TTLL9: variants seen among roughly 807,000 people sequenced by gnomAD.
The protein encoded by TTLL9 is probable tubulin polyglutamylase TTLL9.
In TTLL9, 47 loss-of-function variants were observed where a neutral mutation model predicts 65.6. That is an observed-to-expected ratio of 0.72 (90% CI 0.57 to 0.91). TTLL9 has a LOEUF of 0.91. Ranked by LOEUF, TTLL9 falls within the 40% of genes least tolerant of loss-of-function variation. TTLL9 has a pLI of 0.00. For synonymous variants in TTLL9, 179 were observed against 204.8 expected (o/e 0.87, Z 1.07); for missense variants, 537 against 568.8 (o/e 0.94, Z 0.57).
intron 2 of TTLL9, among the ~76,000 whole-genome samples, chr20:31,874,175 T>A (rs1217381795): frequency 6.6e-6 from 1 of 152,242 alleles, no homozygotes; most frequent in Non-Finnish European, 1.5e-5. Flanking sequence ...GCCCAATCTG[T>A]CTTAAATCAT....
intron 3 of TTLL9, among the ~76,000 whole-genome samples, 190 bp from the exon 4 acceptor site, chr20:31,898,283 T>C (rs899548099): frequency 5.3e-5 from 8 of 152,238 alleles, no homozygotes; most frequent in Non-Finnish European, 1.0e-4. Context: ...TATTTTTCAA[T>C]GATTTGAAGA....
chr20:31,932,782 A>G (rs2064040908), intron 10 of TTLL9, among the ~76,000 whole-genome samples: 1 of 152,032 alleles, frequency 6.6e-6, no homozygotes, highest in South Asian at 2.1e-4. Flanking sequence ...GGATTACTTG[A>G]GGTCAGGAGT....
At chr20:31,913,021 G>C (rs544473183) in intron 6 of TTLL9, among the ~76,000 whole-genome samples, 1 of 152,132 alleles carries the variant, frequency 6.6e-6, no homozygotes, top group Non-Finnish European at 1.5e-5. Context: ...TTAGCTGAGT[G>C]TGGTGGCGAG....
intron 10 of TTLL9, among the ~76,000 whole-genome samples, chr20:31,927,936 TG>T (rs2063936679): frequency 6.6e-6 from 1 of 152,256 alleles, no homozygotes; most frequent in African/African-American, 2.4e-5. Context: ...TTTTGCAATT[TG>T]TTTTTTTCTA....
At chr20:31,894,098 C>CT (rs1162101774) in intron 3 of TTLL9, among the ~76,000 whole-genome samples, 26,020 of 92,264 alleles carry the variant, frequency 0.28, 4,596 homozygotes, top group Non-Finnish European at 0.35. Flanking sequence ...CCATTTGGTT[C>CT]TTTTTTTTTT....
intron 2 of TTLL9, among the ~76,000 whole-genome samples, chr20:31,873,497 C>A (rs2062968211): frequency 1.3e-5 from 2 of 151,550 alleles, no homozygotes; most frequent in African/African-American, 4.9e-5. Flanking sequence ...AACAAACAAA[C>A]TAAAACAAAA....
chr20:31,928,688 G>A (rs2063951917), intron 10 of TTLL9, among the ~76,000 whole-genome samples: 1 of 152,144 alleles, frequency 6.6e-6, no homozygotes, highest in Non-Finnish European at 1.5e-5. Flanking sequence ...GTGATCTTGT[G>A]CATCTGTTGA....
chr20:31,920,022 G>T, intron 7 of TTLL9, 90 bp downstream of exon 7: 1 of 1,225,324 alleles, frequency 8.2e-7, no homozygotes, highest in Non-Finnish European at 1.1e-6. Context: ...AAAGCTCAGA[G>T]GGCTGGCAGA....
In TTLL9 at chr20:31,939,155, G is replaced by C. The variant is rs1202028775; in HGVS notation, c.1132G>C (p.Glu378Gln). 1.3e-6 allele frequency: 2 copies of C among 1,593,606 alleles called. No individual in the cohort carries two copies. Among genetic ancestry groups the C allele is most frequent in the African/African-American group, 1.4e-5 (1 of 73,590 alleles). Residue 378 changes from glutamate (E) to glutamine (Q), a missense_variant, in exon 14 of 15, where the codon GAG (glutamate) becomes CAG (glutamine). By Grantham distance (29) the Glu-to-Gln change is conservative (BLOSUM62 2). Coordinates refer to ENST00000535842, the MANE Select transcript of TTLL9 (RefSeq NM_001008409.5). Reference sequence around the variant, plus strand: ...CTTCCTGTCCAGGCTCACGGGAAGGGAGAAGCGAGTCGGGGGCTTTGACCT... The same window carrying C: ...CTTCCTGTCCAGGCTCACGGGAAGGCAGAAGCGAGTCGGGGGCTTTGACCT... The part of the protein sequence containing the change: ...VDMEARLTGR[E>Q]KRVGGFDLMW...
At chr20:31,896,365 C>T (rs531226912) in intron 3 of TTLL9, among the ~76,000 whole-genome samples, 3 of 152,286 alleles carry the variant, frequency 2.0e-5, no homozygotes, top group East Asian at 1.9e-4. Flanking sequence ...AATGTTAGCT[C>T]GAGTTTTTTT....
intron 6 of TTLL9, among the ~76,000 whole-genome samples, chr20:31,911,585 G>A (rs1037111693): frequency 3.9e-5 from 6 of 152,344 alleles, no homozygotes; most frequent in East Asian, 3.9e-4. Flanking sequence ...CAGGGAAGGC[G>A]CAGTGAGGAA....
intron 10 of TTLL9, among the ~76,000 whole-genome samples, chr20:31,930,647 T>A (rs1408484510): frequency 1.3e-5 from 2 of 152,236 alleles, no homozygotes; most frequent in Non-Finnish European, 2.9e-5. Context: ...TGCATTGACA[T>A]CTGTTCATTT....
intron 6 of TTLL9, among the ~76,000 whole-genome samples, chr20:31,916,619 C>T (rs1480436349): frequency 6.6e-6 from 1 of 152,186 alleles, no homozygotes; most frequent in Non-Finnish European, 1.5e-5. Context: ...GATGATGCCA[C>T]TAGAGGCCCA....
At position 31,879,547 on chromosome 20, in the gene TTLL9, A is replaced by G. The variant is rs1481075659; in HGVS notation, c.70-7649A>G. 6.1e-5 allele frequency: 21 copies of G among 345,494 alleles called. No homozygotes were observed. In the East Asian group the frequency reaches 1.0e-3, roughly 17 times the overall value. 21.4% of individuals were successfully genotyped at this position (345,494 alleles called of 1,614,324 possible). On this transcript the variant is annotated intron_variant, in intron 2 of 14. Transcript: ENST00000535842. Reference sequence around the variant, plus strand: ...CCATTACATTTACCGAAAGCTGACAACTTTTCAGATGCAGCGCTCCCAGTT... The same window carrying G: ...CCATTACATTTACCGAAAGCTGACAGCTTTTCAGATGCAGCGCTCCCAGTT...
chr20:31,887,969 C>T (rs1412559317), intron 3 of TTLL9, among the ~76,000 whole-genome samples: 1 of 150,308 alleles, frequency 6.7e-6, no homozygotes, highest in East Asian at 2.0e-4. Context: ...ATGGCAAACT[C>T]TGCCTCTCGG....
chr20:31,870,694 C>A lies in TTLL9; in HGVS notation c.-261C>A. On this transcript the variant is annotated 5_prime_UTR_variant, in exon 1 of 15. Coordinates refer to ENST00000535842, the MANE Select transcript of TTLL9 (RefSeq NM_001008409.5). This position sits in a 1 kb window ranked among gnomAD's most constrained non-coding sequence, Gnocchi z 6.6. ...GTTTGTTGGGGCCGCGTGGGGCCGC[C>A]ACCTCCGGAGGTGGGGGCGGGGGCC... 1.1e-6 allele frequency: 1 copy of A among 926,624 alleles called. No individual in the cohort carries two copies. Among genetic ancestry groups the A allele is most frequent in the Non-Finnish European group, 1.4e-6 (1 of 694,940 alleles). The allele number at this position is 926,624 out of a possible 1,614,324, so 57.4% of individuals were successfully genotyped here. A position where few individuals can be genotyped will look rare whatever the true frequency, so the allele number is the denominator to read the frequency against.
intron 2 of TTLL9, among the ~76,000 whole-genome samples, chr20:31,873,828 GA>G (rs778057081): frequency 0.039 from 2,369 of 60,604 alleles, 33 homozygotes; most frequent in East Asian, 0.11. Flanking sequence ...AAGGAAGAAA[GA>G]AAGAAAGAAA....
chr20:31,913,931 A>G (rs889215687), intron 6 of TTLL9, among the ~76,000 whole-genome samples: 2 of 152,070 alleles, frequency 1.3e-5, no homozygotes, highest in Non-Finnish European at 2.9e-5. Flanking sequence ...TGGTGCGGGG[A>G]GGCGACTGCT....
intron 10 of TTLL9, among the ~76,000 whole-genome samples, chr20:31,932,632 T>G (rs2064037318): frequency 6.6e-6 from 1 of 152,110 alleles, no homozygotes; most frequent in African/African-American, 2.4e-5. Context: ...GTCAGAGACC[T>G]AGAACCTCTA....
Sources: gnomAD v4.1 joint callset for allele counts (sites outside exome capture counted in the v4.1 genomes callset) on GRCh38, gnomAD v4.1.1 for gene constraint, Gnocchi (gnomAD v3.1) non-coding constraint, MANE v1.5 for transcripts, NCBI Gene and HGNC (gene_info 2026-07-23, HGNC 2026-07-21) for gene names.